CSMD1: variants seen among roughly 807,000 people sequenced by gnomAD.
The protein encoded by CSMD1 is CUB and sushi domain-containing protein 1.
CSMD1 carries 213 observed loss-of-function variants against 417.5 expected under a neutral mutation model. The observed-to-expected ratio is 0.51, with a 90% CI of 0.46 to 0.57. CSMD1 has a LOEUF of 0.57. CSMD1 is among the 20% of genes least tolerant of loss of function. The pLI is 0.00. For missense variants in CSMD1, 6,923 were observed against 4,529.7 expected, an observed-to-expected ratio of 1.53 and a Z score of -15.17; for synonymous variants, 2,862 against 1,736.8, an observed-to-expected ratio of 1.65 and a Z score of -16.11.
chr8:3,261,860 G>C (rs1801085927), intron 26 of CSMD1, among the ~76,000 whole-genome samples: 2 of 152,180 alleles, frequency 1.3e-5, no homozygotes, highest in African/African-American at 4.8e-5. Flanking sequence ...TGCGGGCCGA[G>C]GTCAATGGGT....
At chr8:3,519,193 T>G (rs768570880) in intron 10 of CSMD1, among the ~76,000 whole-genome samples, 2 of 152,202 alleles carry the variant, frequency 1.3e-5, no homozygotes, top group Non-Finnish European at 2.9e-5. Flanking sequence ...ACGTGATTAA[T>G]TATCACTGAA....
intron 1 of CSMD1, among the ~76,000 whole-genome samples, chr8:4,812,288 G>T (rs1003914213): frequency 6.6e-6 from 1 of 152,152 alleles, no homozygotes; most frequent in African/African-American, 2.4e-5. Flanking sequence ...GGAGGTGGGG[G>T]TTTTTCTCCC....
At chr8:3,385,142 AAT>A (rs563741305) in intron 18 of CSMD1, among the ~76,000 whole-genome samples, 1 of 135,142 alleles carries the variant, frequency 7.4e-6, no homozygotes, top group African/African-American at 2.7e-5. Context: ...TATAATACAT[AAT>A]ATATAAATAT....
intron 22 of CSMD1, among the ~76,000 whole-genome samples, 182 bp downstream of exon 22, chr8:3,347,810 A>G (rs897664283): frequency 2.6e-5 from 4 of 152,240 alleles, no homozygotes; most frequent in Admixed American, 6.5e-5. Flanking sequence ...AAGTCCACAT[A>G]CACTGCTCTA....
At chr8:4,383,058 G>A (rs7001270) in intron 3 of CSMD1, among the ~76,000 whole-genome samples, 6 of 151,980 alleles carry the variant, frequency 3.9e-5, no homozygotes, top group African/African-American at 1.5e-4. Context: ...ATTAGGATTC[G>A]GGAGTAATAG....
intron 7 of CSMD1, among the ~76,000 whole-genome samples, chr8:3,636,778 C>T (rs536020784): frequency 6.6e-6 from 1 of 152,148 alleles, no homozygotes; most frequent in Non-Finnish European, 1.5e-5. Flanking sequence ...TCTCCTGACA[C>T]TTCCACACTT....
intron 10 of CSMD1, among the ~76,000 whole-genome samples, chr8:3,520,729 T>G (rs950867858): frequency 6.6e-6 from 1 of 152,060 alleles, no homozygotes; most frequent in African/African-American, 2.4e-5. Context: ...CCACCTTTTT[T>G]TGTGTGTATA....
At chr8:4,449,136 C>A (rs1002158919) in intron 2 of CSMD1, among the ~76,000 whole-genome samples, 1 of 152,166 alleles carries the variant, frequency 6.6e-6, no homozygotes, top group Non-Finnish European at 1.5e-5. Flanking sequence ...TGAAGTCTAA[C>A]CAGACTTTGC....
At chr8:3,129,998 A>G (rs1817711211) in intron 41 of CSMD1, among the ~76,000 whole-genome samples, 2 of 152,128 alleles carry the variant, frequency 1.3e-5, no homozygotes, top group Non-Finnish European at 2.9e-5. Flanking sequence ...AAAGAAAAGA[A>G]AAGTTAAATG....
chr8:4,444,706 G>C (rs1358984904), intron 2 of CSMD1, among the ~76,000 whole-genome samples: 4 of 152,148 alleles, frequency 2.6e-5, no homozygotes, highest in Admixed American at 2.6e-4. Flanking sequence ...GTCACTCTAA[G>C]CACAGGTGCA....
At position 3,302,980 on chromosome 8, in the gene CSMD1, G is replaced by T. The variant is rs1804534299; in HGVS notation, c.3950+4715C>A. On this transcript the variant is annotated intron_variant, in intron 25 of 69. Transcript: ENST00000635120. ...ACCAGCAACTGCTCCCAGAGCCCCA[G>T]GTTAAAGGGGGTCTGGAGTAGCAGC... 1.3e-5 allele frequency among the ~76,000 whole-genome samples: 2 copies of T among 152,292 alleles called. 1 individual carries two copies. Among genetic ancestry groups the T allele is most frequent in the Middle Eastern group, 6.8e-3 (2 of 294 alleles).
chr8:3,006,197 T>G (rs1323901671), intron 52 of CSMD1, among the ~76,000 whole-genome samples: 1 of 151,574 alleles, frequency 6.6e-6, no homozygotes, highest in African/African-American at 2.4e-5. Flanking sequence ...ATAAAATACC[T>G]AGGAATCCAA....
intron 3 of CSMD1, among the ~76,000 whole-genome samples, chr8:4,150,684 A>T (rs978148327): frequency 6.6e-6 from 1 of 152,190 alleles, no homozygotes; most frequent in African/African-American, 2.4e-5. Context: ...AGTGTTTAGC[A>T]TTTGGTTTAG....
chr8:4,839,608 T>A (rs184920229), intron 1 of CSMD1, among the ~76,000 whole-genome samples: 25 of 152,302 alleles, frequency 1.6e-4, no homozygotes, highest in Non-Finnish European at 2.8e-4. Context: ...ATTTTCTGTT[T>A]AATACTTCAC....
At chr8:4,822,071 C>A (rs766989774) in intron 1 of CSMD1, among the ~76,000 whole-genome samples, 1 of 152,004 alleles carries the variant, frequency 6.6e-6, no homozygotes, top group African/African-American at 2.4e-5. Context: ...CTCTTCCTTT[C>A]TTTTCGGGTT....
chr8:3,282,452 C>A (rs1182051994), intron 26 of CSMD1, among the ~76,000 whole-genome samples: 1 of 152,144 alleles, frequency 6.6e-6, no homozygotes, highest in African/African-American at 2.4e-5. Flanking sequence ...ATAACTTTCT[C>A]AACTTTTTTG....
intron 26 of CSMD1, among the ~76,000 whole-genome samples, chr8:3,232,916 G>A (rs1213698671): frequency 6.6e-6 from 1 of 150,522 alleles, no homozygotes; most frequent in African/African-American, 2.4e-5. Context: ...CTAATTACAT[G>A]CATTGCTAGG....
chr8:3,391,708 G>A (rs532907865), intron 17 of CSMD1, among the ~76,000 whole-genome samples: 1 of 152,210 alleles, frequency 6.6e-6, no homozygotes, highest in African/African-American at 2.4e-5. Flanking sequence ...GCTGTTTACA[G>A]TAGCTCACAT....
chr8:3,813,745 G>A (rs1032638633), intron 5 of CSMD1, among the ~76,000 whole-genome samples: 4 of 152,148 alleles, frequency 2.6e-5, no homozygotes, highest in African/African-American at 9.7e-5. Flanking sequence ...CATTTCTGGA[G>A]GTATGAGGGA....
Sources: gnomAD v4.1 joint callset for allele counts (sites outside exome capture counted in the v4.1 genomes callset) on GRCh38, gnomAD v4.1.1 for gene constraint, MANE v1.5 for transcripts, NCBI Gene and HGNC (gene_info 2026-07-23, HGNC 2026-07-21) for gene names.